The following SECISBP2 variants were observed in gnomAD, a reference collection of about 807,000 sequenced individuals.
SECISBP2 encodes the protein selenocysteine insertion sequence-binding protein 2.
In SECISBP2, 96 loss-of-function variants were observed where a neutral mutation model predicts 98.2. The observed-to-expected ratio is 0.98, with a 90% CI of 0.83 to 1.16. SECISBP2 has a LOEUF of 1.16. Among genes scored for constraint, SECISBP2 ranks in the 50% most tolerant of loss-of-function variants. The pLI, the probability that SECISBP2 is intolerant of heterozygous loss-of-function variation, is 0.00. For synonymous variants in SECISBP2, 407 were observed against 370.2 expected (o/e 1.10, Z -1.14); for missense variants, 1,046 against 1,022.9 (o/e 1.02, Z -0.31).
At chr9:89,366,534 A>AC in the SECISBP2 span, among the ~76,000 whole-genome samples, 1 of 152,190 alleles carries the variant, frequency 6.6e-6, no homozygotes, top group Admixed American at 6.5e-5. Context: ...ACAAAACTTA[A>AC]CACTCTATAA....
At chr9:89,337,519 G>A (rs1828953897) in intron 7 of SECISBP2, among the ~76,000 whole-genome samples, 1 of 152,050 alleles carries the variant, frequency 6.6e-6, no homozygotes, top group South Asian at 2.1e-4. Flanking sequence ...AAAGAGAGAG[G>A]GGTTTCTCTG....
In SECISBP2 at chr9:89,328,871, T is replaced by A; in HGVS notation, c.786T>A (p.Ala262=). The A allele has an allele frequency of 1.2e-6, 2 of 1,613,690 alleles. 1 individual carries two copies. The highest frequency in any genetic ancestry group is 2.2e-5 in the South Asian group (2 of 91,074). Residue 262 remains alanine, a synonymous_variant, in exon 5 of 17, where the codon GCT becomes GCA. Coordinates refer to ENST00000375807, the MANE Select transcript of SECISBP2 (RefSeq NM_024077.5). The stretch of plus-strand genomic sequence containing the variant: ...TTCTAAGAGAAGTAGTAAAACCAGC[T>A]GCAGTGTTATCAAAGGTGAGGTGAG... The part of the protein sequence containing the change: ...ISLLREVVKP[A]AVLSKGEIVV...
intron 2 of SECISBP2, chr9:89,322,676 A>G (rs1164465568): frequency 1.3e-5 from 2 of 152,226 alleles, no homozygotes; most frequent in Admixed American, 6.5e-5. Flanking sequence ...CAGATCAGCT[A>G]TGAGAAGAAC....
At position 89,343,960 on chromosome 9, in the gene SECISBP2, T is replaced by C. The variant is rs190684349; in HGVS notation, c.1435+2481T>C. Among the ~76,000 whole-genome samples, 16 of 152,318 alleles carry C rather than the reference T, an allele frequency of 1.1e-4. No individual in the cohort carries two copies. The East Asian group carries it at 3.1e-3, about 29-fold the overall frequency. On this transcript the variant is annotated intron_variant, in intron 10 of 16. Transcript: ENST00000375807. ...AACTAATTTACACTCCCAGCAACAG[T>C]GTATAAGCGATTCTTTTTCTCCGCA...
At chr9:89,358,236 T>A (rs1564459126) in intron 16 of SECISBP2, 45 bp downstream of exon 16, 3 of 1,563,918 alleles carry the variant, frequency 1.9e-6, no homozygotes, top group Non-Finnish European at 2.6e-6. Context: ...TGTCCTCTTA[T>A]TTACTGACTT....
At chr9:89,334,305 T>A (rs1828262277) in intron 6 of SECISBP2, 1 of 994,432 alleles carries the variant, frequency 1.0e-6, no homozygotes, top group Non-Finnish European at 1.4e-6. Flanking sequence ...CCAGGAAAAT[T>A]AACCTTACAA....
At chr9:89,363,305 T>A, downstream of SECISBP2, 1 of 1,400,662 alleles carries the variant, frequency 7.1e-7, no homozygotes. Context: ...AGGAAACTGC[T>A]CCGGGGCTAA....
At chr9:89,341,806 A>C (rs1385391697) in intron 10 of SECISBP2, among the ~76,000 whole-genome samples, 2 of 152,268 alleles carry the variant, frequency 1.3e-5, no homozygotes, top group Non-Finnish European at 2.9e-5. Context: ...ATGAACTCAA[A>C]ATGAATCAAT....
At chr9:89,323,761 T>G (rs1429351431) in intron 2 of SECISBP2, 1 of 152,270 alleles carries the variant, frequency 6.6e-6, no homozygotes, top group Non-Finnish European at 1.5e-5. Flanking sequence ...TGTGAGTTAC[T>G]GCTTTGATGT....
At position 89,328,766 on chromosome 9, in the gene SECISBP2, A is replaced by G. The variant is rs762128719; in HGVS notation, c.681A>G (p.Gln227=). ...CCACACTGGACTTTCCTGAACTGCA[A>G]GGTGCAGAGAACAATATGTCAGAGA... ...EFTTLDFPEL[Q]GAENNMSEIQ... Residue 227 remains glutamine (Q), a synonymous_variant, in exon 5 of 17, where the codon CAA becomes CAG. Coordinates refer to ENST00000375807, the MANE Select transcript of SECISBP2 (RefSeq NM_024077.5). 6 of 1,614,208 alleles carry G rather than the reference A, an allele frequency of 3.7e-6. No individual in the cohort carries two copies. Among genetic ancestry groups the G allele is most frequent in the African/African-American group, 2.7e-5 (2 of 75,078 alleles).
At chr9:89,326,263 T>C (rs1826685341) in intron 4 of SECISBP2, among the ~76,000 whole-genome samples, 1 of 152,214 alleles carries the variant, frequency 6.6e-6, no homozygotes, top group Non-Finnish European at 1.5e-5. Flanking sequence ...TTGTGGGATC[T>C]TAAGTGCCTA....
chr9:89,340,498 A>G (rs1354168702), intron 9 of SECISBP2, among the ~76,000 whole-genome samples: 1 of 152,194 alleles, frequency 6.6e-6, no homozygotes, highest in East Asian at 1.9e-4. Context: ...TAGGATATTC[A>G]TTGTCGTTTT....
rs1826570069 is a variant in SECISBP2 at position 89,325,668 on chromosome 9, C to T, written c.424C>T (p.Leu142=). 6.2e-7 allele frequency: 1 copy of T among 1,613,996 alleles called. No individual in the cohort carries two copies. The highest frequency in any genetic ancestry group is 8.5e-7 in the Non-Finnish European group (1 of 1,180,026). The change falls in exon 3 of 17, where the codon CTG becomes TTG. Residue 142 remains leucine, a synonymous_variant. Transcript: ENST00000375807. ...CCCTCTCCCACAAGAAATGAAAGCTCTGTTTAAGGTGAGTAGTGATGTTGT... is the reference window on the plus strand; with the variant it reads ...CCCTCTCCCACAAGAAATGAAAGCTTTGTTTAAGGTGAGTAGTGATGTTGT... ...TCPLPQEMKA[L]FKKKTYDEKK... is the part of the protein sequence containing the mutation.
downstream of SECISBP2, chr9:89,359,790 C>T (rs1832620849): frequency 6.6e-6 from 1 of 152,122 alleles, no homozygotes; most frequent in South Asian, 2.1e-4. Context: ...CCCCAGCACT[C>T]CTAGGTCTGG....
Position 89,339,933 on chromosome 9 carries a change from C to G in SECISBP2, c.1282C>G (p.Gln428Glu), listed in dbSNP as rs45452691. The G allele has an allele frequency of 0.051, 81,471 of 1,612,004 alleles. 2,552 individuals are homozygous for G. Among genetic ancestry groups the G allele is most frequent in the Non-Finnish European group, 0.058 (68,217 of 1,178,334 alleles). Reference sequence around the variant, plus strand: ...AGACAGAATAGAGACACCGAAATTTCAATCTAAGCAGCAGCCACAGGTAAT... The same window carrying G: ...AGACAGAATAGAGACACCGAAATTTGAATCTAAGCAGCAGCCACAGGTAAT... ...RRDRIETPKF[Q>E]SKQQPQDNFK... The change falls in exon 9 of 17, where the codon CAA becomes GAA. Residue 428 changes from glutamine to glutamate, a missense_variant. Physicochemically the swap from Gln to Glu is conservative, Grantham distance 29. Transcript: ENST00000375807.
At chr9:89,338,794 A>G (rs1328181764) in intron 8 of SECISBP2, among the ~76,000 whole-genome samples, 1 of 152,156 alleles carries the variant, frequency 6.6e-6, no homozygotes, top group Admixed American at 6.5e-5. Context: ...ATCCAAATGA[A>G]TGAATGGTCT....
At chr9:89,319,587 TTTTG>T in intron 1 of SECISBP2, 61 bp from the exon 2 acceptor site, 1 of 1,584,076 alleles carries the variant, frequency 6.3e-7, no homozygotes. Flanking sequence ...TCTTGGGTCT[TTTTG>T]TTTGTTTATA....
At chr9:89,356,342 C>T (rs1163988319) in intron 14 of SECISBP2, among the ~76,000 whole-genome samples, 1 of 152,146 alleles carries the variant, frequency 6.6e-6, no homozygotes, top group African/African-American at 2.4e-5. Context: ...GTCCCTGGTG[C>T]CAAAAAGATT....
Position 89,349,941 on chromosome 9 carries a change from C to T in SECISBP2, c.1892+12C>T, listed in dbSNP as rs369499615. On this transcript the variant is annotated intron_variant, in intron 13 of 16. Transcript: ENST00000375807. ...CGCAGATTCAGGGAGTGAGTGAGCC[C>T]CTGCCTGCCAGGGACTAGGGGAAGA... 5.6e-6 allele frequency: 9 copies of T among 1,613,844 alleles called. No individual in the cohort carries two copies. Among genetic ancestry groups the T allele is most frequent in the Non-Finnish European group, 7.6e-6 (9 of 1,180,032 alleles).
Sources: gnomAD v4.1 joint callset for allele counts (sites outside exome capture counted in the v4.1 genomes callset) on GRCh38, gnomAD v4.1.1 for gene constraint, MANE v1.5 for transcripts, NCBI Gene and HGNC (gene_info 2026-07-23, HGNC 2026-07-21) for gene names.